The following HERC4 variants were observed in gnomAD, a reference collection of about 807,000 sequenced individuals.
HERC4 encodes probable E3 ubiquitin-protein ligase HERC4.
HERC4 carries 28 observed loss-of-function variants against 124.3 expected under a neutral mutation model. The ratio of observed to expected loss-of-function variants is 0.23; its 90% CI spans 0.17 to 0.31. The LOEUF (loss-of-function observed/expected upper bound fraction) is 0.31, where lower values mean the gene tolerates loss of function less well. HERC4 is among the 10% of genes least tolerant of loss of function. HERC4 has a pLI of 1.00. For missense variants in HERC4, 713 were observed against 1,229.3 expected (o/e 0.58, Z 6.28); for synonymous variants, 407 against 421.5 (o/e 0.97, Z 0.42).
chr10:68,023,377 C>G (rs1319019470), intron 8 of HERC4, among the ~76,000 whole-genome samples: 1 of 152,146 alleles, frequency 6.6e-6, no homozygotes, highest in Admixed American at 6.6e-5. Flanking sequence ...GGAGGAAATT[C>G]TGACATATAT....
intron 15 of HERC4, among the ~76,000 whole-genome samples, chr10:67,982,418 A>T (rs1052623231): frequency 5.3e-5 from 8 of 152,198 alleles, no homozygotes; most frequent in African/African-American, 1.9e-4. Flanking sequence ...AAAACTGAAT[A>T]TCTGTATGAA....
At chr10:67,947,996 T>C (rs2033512418) in intron 19 of HERC4, among the ~76,000 whole-genome samples, 1 of 128,934 alleles carries the variant, frequency 7.8e-6, no homozygotes. Flanking sequence ...GTCTAAACAA[T>C]ACACTCTTAA....
chr10:67,934,954 C>A (rs2032202205), intron 22 of HERC4, among the ~76,000 whole-genome samples: 1 of 142,328 alleles, frequency 7.0e-6, no homozygotes, highest in Non-Finnish European at 1.5e-5. Flanking sequence ...CATTCCAATT[C>A]TTTCAAATGA....
At chr10:68,039,330 A>G (rs2039643420) in intron 4 of HERC4, 6 of 1,471,108 alleles carry the variant, frequency 4.1e-6, no homozygotes, top group Non-Finnish European at 5.4e-6. Flanking sequence ...AAAAAAAAAA[A>G]AAAAGAAAGA....
At position 67,999,230 on chromosome 10, in the gene HERC4, G is replaced by A. The variant is rs560198102; in HGVS notation, c.1070-6548C>T. On this transcript the variant is annotated intron_variant, in intron 9 of 24. Coordinates refer to ENST00000373700, the MANE Select transcript of HERC4 (RefSeq NM_015601.4). ...ACATATCAGACATAAGAGTCACTGA[G>A]TTCCTTGAAAATAGGCCTAATCATC... Among the ~76,000 whole-genome samples, 17 of 152,288 alleles carry A rather than the reference G, an allele frequency of 1.1e-4. No individual in the cohort carries two copies. In the East Asian group the frequency reaches 3.1e-3, roughly 28 times the overall value.
At chr10:68,001,010 G>A (rs549316256) in intron 9 of HERC4, among the ~76,000 whole-genome samples, 1 of 152,262 alleles carries the variant, frequency 6.6e-6, no homozygotes, top group East Asian at 1.9e-4. Context: ...AAAGAAAGGT[G>A]TGCCCCTTGC....
In HERC4 at chr10:67,925,202, A is replaced by T. The variant is rs765362350; in HGVS notation, c.2839-15T>A. ...TATTCTGTATTCTAAAAACAACATA[A>T]TCTTTTATTAGTATTAAGGGACACA... On this transcript the variant is annotated splice_polypyrimidine_tract_variant and intron_variant, in intron 23 of 24. Coordinates refer to ENST00000373700, the MANE Select transcript of HERC4 (RefSeq NM_015601.4). 9 of 1,418,988 alleles carry T rather than the reference A, an allele frequency of 6.3e-6. No homozygotes were observed. The South Asian group carries it at 1.0e-4, about 16-fold the overall frequency. 87.9% of individuals were successfully genotyped at this position (1,418,988 alleles called of 1,614,324 possible). A position where few individuals can be genotyped will look rare whatever the true frequency, so the allele number is the denominator to read the frequency against.
rs943844926 is a variant in HERC4, at chr10:67,955,041, C to T, written c.2115G>A (p.Val705=). The stretch of plus-strand genomic sequence containing the variant: ...CATCTCCTACAATATTTTCTCTACG[C>T]ACCACTAGAATTAAGCAGGGATTCA... ...ESVNPCLILV[V]RRENIVGDAM... The change falls in exon 18 of 25, where the codon GTG becomes GTA. Residue 705 remains valine, a synonymous_variant. Transcript: ENST00000373700. The T allele has an allele frequency of 4.4e-6, 7 of 1,600,330 alleles. No homozygotes were observed. Among genetic ancestry groups the T allele is most frequent in the Non-Finnish European group, 6.0e-6 (7 of 1,175,202 alleles).
intron 9 of HERC4, chr10:67,996,185 T>C (rs1264319513): frequency 4.6e-6 from 2 of 439,126 alleles, no homozygotes; most frequent in Non-Finnish European, 9.1e-6. Flanking sequence ...CGCATGCCTG[T>C]AGTCTGAGCC....
At chr10:68,019,685 T>C (rs2133202602) in intron 8 of HERC4, among the ~76,000 whole-genome samples, 1 of 152,326 alleles carries the variant, frequency 6.6e-6, no homozygotes, top group South Asian at 2.1e-4. Flanking sequence ...TTCTGGTTAA[T>C]TTCAACTTCG....
In HERC4 at chr10:68,014,183, C is replaced by T. The variant is rs149348953; in HGVS notation, c.912G>A (p.Gln304=). The change falls in exon 9 of 25, where the codon CAG becomes CAA. Residue 304 remains glutamine, a synonymous_variant. Coordinates refer to ENST00000373700, the MANE Select transcript of HERC4 (RefSeq NM_015601.4). ...ATGAAGGAACAAAAGCAGAAGTGTGCTGCCTAGAGTAAAATGATAGAAAAC... is the reference window on the plus strand; with the variant it reads ...ATGAAGGAACAAAAGCAGAAGTGTGTTGCCTAGAGTAAAATGATAGAAAAC... ...SIVTEIACGR[Q]HTSAFVPSSG... The T allele has an allele frequency of 1.0e-4, 164 of 1,599,762 alleles. No individual in the cohort carries two copies. The highest frequency in any genetic ancestry group is 1.3e-4 in the Non-Finnish European group (155 of 1,174,274).
At chr10:67,992,162 A>G (rs1449854942) in intron 11 of HERC4, 37 bp downstream of exon 11, 7 of 1,601,036 alleles carry the variant, frequency 4.4e-6, no homozygotes, top group Non-Finnish European at 6.0e-6. Flanking sequence ...GATTACAGGC[A>G]TGAGCCACTG....
intron 7 of HERC4, among the ~76,000 whole-genome samples, chr10:68,028,712 A>T (rs565020000): frequency 6.6e-6 from 1 of 152,246 alleles, no homozygotes; most frequent in Non-Finnish European, 1.5e-5. Flanking sequence ...TCATACTAAC[A>T]CTTGCGATTC....
chr10:68,048,263 C>T (rs1406982571), intron 3 of HERC4, among the ~76,000 whole-genome samples: 5 of 152,118 alleles, frequency 3.3e-5, no homozygotes, highest in African/African-American at 1.2e-4. Context: ...TGCCAAAACC[C>T]AGAAGCATCC....
At chr10:68,010,396 C>A (rs2037873173) in intron 9 of HERC4, 1 of 986,820 alleles carries the variant, frequency 1.0e-6, no homozygotes. Flanking sequence ...GACCCAGCAG[C>A]CTCAAAATCC....
chr10:67,954,550 C>T (rs1183762624), intron 19 of HERC4, 45 bp downstream of exon 19: 22 of 1,516,994 alleles, frequency 1.5e-5, no homozygotes, highest in Non-Finnish European at 2.0e-5. Flanking sequence ...GGTATAAATA[C>T]ATGGGTATAT....
Position 67,951,811 on chromosome 10 carries a change from T to TA in HERC4, c.2337+2783dup, listed in dbSNP as rs2033812473. On this transcript the variant is annotated intron_variant, in intron 19 of 24. Coordinates refer to ENST00000373700, the MANE Select transcript of HERC4 (RefSeq NM_015601.4). Reference sequence around the variant, plus strand: ...TGCAACTGTTCCTTGGGCAGTTGTATAAAAAACCTTCCACAATTCCTTCAT... The same window carrying TA: ...TGCAACTGTTCCTTGGGCAGTTGTATAAAAAAACCTTCCACAATTCCTTCAT... Among the ~76,000 whole-genome samples the TA allele has an allele frequency of 2.6e-5, 4 of 152,298 alleles. No homozygotes were observed. In the South Asian group the frequency reaches 6.2e-4, roughly 24 times the overall value.
intron 15 of HERC4, among the ~76,000 whole-genome samples, chr10:67,970,051 A>T (rs2035136867): frequency 6.6e-6 from 1 of 152,196 alleles, no homozygotes; most frequent in Admixed American, 6.5e-5. Flanking sequence ...CACCCTAAAC[A>T]TTGTACTACA....
intron 24 of HERC4, among the ~76,000 whole-genome samples, chr10:67,924,610 A>G (rs1274369946): frequency 6.6e-6 from 1 of 152,238 alleles, no homozygotes; most frequent in Non-Finnish European, 1.5e-5. Flanking sequence ...TATGTGGCAC[A>G]TGACTGTAAT....
Sources: allele counts gnomAD v4.1 joint callset (sites outside exome capture counted in the v4.1 genomes callset), GRCh38; gene constraint gnomAD v4.1.1; transcripts MANE v1.5; gene names NCBI Gene and HGNC (gene_info 2026-07-23, HGNC 2026-07-21).